Variants in GABRB2 observed in about 807,000 individuals in gnomAD.
GABRB2 encodes gamma-aminobutyric acid receptor subunit beta-2.
GABRB2 carries 16 observed loss-of-function variants against 54.7 expected under a neutral mutation model. That is an observed-to-expected ratio of 0.29 (90% CI 0.20 to 0.44). GABRB2 has a LOEUF of 0.44. GABRB2 is among the 20% of genes least tolerant of loss of function. GABRB2 has a pLI of 1.00. For synonymous variants in GABRB2, 244 were observed against 233.8 expected (o/e 1.04, Z -0.40); for missense variants, 355 against 644.0 (o/e 0.55, Z 4.86).
chr5:161,385,665 G>T (rs191986991), intron 5 of GABRB2, among the ~76,000 whole-genome samples: 99 of 152,168 alleles, frequency 6.5e-4, no homozygotes, highest in African/African-American at 2.3e-3. Flanking sequence ...CATGCCCTGC[G>T]TTAACTACTA....
chr5:161,369,783 C>CT (rs760220740), intron 5 of GABRB2, among the ~76,000 whole-genome samples: 5 of 152,064 alleles, frequency 3.3e-5, no homozygotes, highest in Non-Finnish European at 7.4e-5. Context: ...ATACAATACT[C>CT]TTTAGTGTAT....
At chr5:161,419,394 G>T (rs912197406) in intron 4 of GABRB2, among the ~76,000 whole-genome samples, 2 of 152,178 alleles carry the variant, frequency 1.3e-5, no homozygotes, top group African/African-American at 4.8e-5. Flanking sequence ...ATGAAAAACA[G>T]TATGGAGATT....
At chr5:161,454,244 A>G (rs1228789965) in intron 4 of GABRB2, among the ~76,000 whole-genome samples, 1 of 152,180 alleles carries the variant, frequency 6.6e-6, no homozygotes, top group East Asian at 1.9e-4. Context: ...TGAGGGTCTC[A>G]GTTAAGAGTT....
intron 5 of GABRB2, among the ~76,000 whole-genome samples, chr5:161,363,559 G>A (rs184874518): frequency 2.0e-4 from 30 of 152,112 alleles, no homozygotes; most frequent in Non-Finnish European, 3.7e-4. Context: ...AAAATTAGCT[G>A]AGCATGGTGG....
Position 161,294,107 on chromosome 5 carries a change from C to A in GABRB2, c.1513G>T (p.Val505Phe). 1 of 1,613,214 alleles carries A rather than the reference C, an allele frequency of 6.2e-7. No homozygotes were observed. The highest frequency in any genetic ancestry group is 8.5e-7 in the Non-Finnish European group (1 of 1,179,308). Reference sequence around the variant, plus strand: ...TAGTTCACATAATAAAGCCAATAGACGATGTTGAAGAAGGAAAAAACCACT... The same window carrying A: ...TAGTTCACATAATAAAGCCAATAGAAGATGTTGAAGAAGGAAAAAACCACT... The part of the protein sequence containing the change: ...FPVVFSFFNI[V>F]YWLYYVN The change falls in exon 10 of 10, where the codon GTC becomes TTC. Residue 505 changes from valine (V) to phenylalanine (F), a missense_variant. Val to Phe is a conservative substitution (Grantham distance 50). This residue lies in a region of GABRB2 where 201 missense variants were observed against 228.1 expected (regional missense o/e 0.88). Coordinates refer to ENST00000393959, the MANE Select transcript of GABRB2 (RefSeq NM_001371727.1).
rs776878913 is a variant in GABRB2 at position 161,503,131 on chromosome 5, GT to G, written c.237+42095del. Among the ~76,000 whole-genome samples the G allele has an allele frequency of 2.0e-3, 291 of 147,042 alleles. 3 individuals are homozygous for G. The highest frequency in any genetic ancestry group is 5.9e-3 in the African/African-American group (236 of 39,986). ...AGATCAAGAGGCGATTGTTGTTATTGTTTTTTTTTTTCCAGAAATTTTGGTA... is the reference window on the plus strand; with the variant it reads ...AGATCAAGAGGCGATTGTTGTTATTGTTTTTTTTTTCCAGAAATTTTGGTA... On this transcript the variant is annotated intron_variant, in intron 3 of 9. Coordinates refer to ENST00000393959, the MANE Select transcript of GABRB2 (RefSeq NM_001371727.1).
At chr5:161,457,942 T>G (rs1220823138) in intron 4 of GABRB2, among the ~76,000 whole-genome samples, 2 of 152,010 alleles carry the variant, frequency 1.3e-5, no homozygotes, top group Non-Finnish European at 2.9e-5. Flanking sequence ...ACAGGAAGAG[T>G]GCAGGGTGAT....
chr5:161,510,028 G>A (rs1759717923), intron 3 of GABRB2, among the ~76,000 whole-genome samples: 1 of 151,480 alleles, frequency 6.6e-6, no homozygotes, highest in African/African-American at 2.4e-5. Context: ...ACATTTACGG[G>A]GTACATGAGA....
chr5:161,536,150 T>C (rs1760627603), intron 3 of GABRB2, among the ~76,000 whole-genome samples: 1 of 152,198 alleles, frequency 6.6e-6, no homozygotes, highest in South Asian at 2.1e-4. Flanking sequence ...GGTACTCTGT[T>C]GTAGCAACAC....
rs1008936956 is a variant in GABRB2 at position 161,455,090 on chromosome 5, A to G, written c.458+4534T>C. ...ATCTCCTGAAATCCTCAAGACCACT[A>G]TAACTTAATGCAAGCTTGCTGAGCA... On this transcript the variant is annotated intron_variant, in intron 4 of 9. Transcript: ENST00000393959. 4.6e-5 allele frequency among the ~76,000 whole-genome samples: 7 copies of G among 152,230 alleles called. No homozygotes were observed. The South Asian group carries it at 6.2e-4, about 14-fold the overall frequency.
intron 9 of GABRB2, among the ~76,000 whole-genome samples, chr5:161,301,911 C>A (rs987247074): frequency 6.6e-6 from 1 of 152,176 alleles, no homozygotes; most frequent in African/African-American, 2.4e-5. Flanking sequence ...ATCAAGCATG[C>A]CGATGCCAAC....
At chr5:161,517,823 G>A (rs1478007345) in intron 3 of GABRB2, among the ~76,000 whole-genome samples, 2 of 150,828 alleles carry the variant, frequency 1.3e-5, no homozygotes, top group Non-Finnish European at 2.9e-5. Context: ...TTGAGACAGA[G>A]TCTCACTCTG....
At chr5:161,427,519 C>T (rs1561646249) in intron 4 of GABRB2, among the ~76,000 whole-genome samples, 1 of 152,056 alleles carries the variant, frequency 6.6e-6, no homozygotes, top group Non-Finnish European at 1.5e-5. Flanking sequence ...GGGTTCTGTA[C>T]GTTCAAGTTC....
intron 4 of GABRB2, among the ~76,000 whole-genome samples, chr5:161,423,734 A>C (rs1018723162): frequency 6.6e-6 from 1 of 152,158 alleles, no homozygotes; most frequent in Non-Finnish European, 1.5e-5. Flanking sequence ...CTAGTGAAAG[A>C]AAGATTTCCA....
In GABRB2 at chr5:161,369,350, T is replaced by G. The variant is rs528505229; in HGVS notation, c.542-32581A>C. 1.3e-4 allele frequency among the ~76,000 whole-genome samples: 20 copies of G among 152,332 alleles called. No individual in the cohort carries two copies. The South Asian group carries it at 4.1e-3, about 32-fold the overall frequency. ...AATAATATTTTAAATGACAGTTCTA[T>G]TTTTGACTCTGTAGATAAGAATATG... On this transcript the variant is annotated intron_variant, in intron 5 of 9. Coordinates refer to ENST00000393959, the MANE Select transcript of GABRB2 (RefSeq NM_001371727.1).
intron 4 of GABRB2, among the ~76,000 whole-genome samples, chr5:161,458,718 T>C (rs756564511): frequency 1.3e-5 from 2 of 152,234 alleles, no homozygotes; most frequent in Non-Finnish European, 2.9e-5. Context: ...ACAATAGCAG[T>C]TCCTAATGTA....
chr5:161,539,842 C>A (rs1760757812), intron 3 of GABRB2, among the ~76,000 whole-genome samples: 1 of 152,144 alleles, frequency 6.6e-6, no homozygotes, highest in Non-Finnish European at 1.5e-5. Flanking sequence ...TATACTGTAT[C>A]TAATAAGTGT....
In GABRB2 at chr5:161,292,788, C is replaced by T. The variant is rs778184218; in HGVS notation, c.*1293G>A. On this transcript the variant is annotated 3_prime_UTR_variant, in exon 10 of 10. Coordinates refer to ENST00000393959, the MANE Select transcript of GABRB2 (RefSeq NM_001371727.1). ...TTCATACTCCTTGAAGTATTATTTG[C>T]TTTGAAAAATACAATGGTGAATTTC... The T allele has an allele frequency of 6.6e-6, 1 of 152,070 alleles. No individual in the cohort carries two copies. Among genetic ancestry groups the T allele is most frequent in the Admixed American group, 6.6e-5 (1 of 15,256 alleles). 9.4% of individuals were successfully genotyped at this position (152,070 alleles called of 1,614,324 possible).
intron 5 of GABRB2, among the ~76,000 whole-genome samples, chr5:161,405,993 T>C (rs1378567835): frequency 2.0e-5 from 3 of 152,092 alleles, no homozygotes; most frequent in African/African-American, 7.2e-5. Flanking sequence ...TCTGCCTTCC[T>C]AAAGCATGGT....
Sources: allele counts gnomAD v4.1 joint callset (sites outside exome capture counted in the v4.1 genomes callset), GRCh38; gene constraint gnomAD v4.1.1; regional missense constraint gnomAD v4.1.1; transcripts MANE v1.5; gene names NCBI Gene and HGNC (gene_info 2026-07-23, HGNC 2026-07-21).